The following TPRG1 variants were observed in gnomAD, a reference collection of about 807,000 sequenced individuals.
TPRG1 encodes the protein tumor protein p63 regulated 1, also known as tumor protein p63-regulated gene 1 protein.
TPRG1 carries 29 observed loss-of-function variants against 29.3 expected under a neutral mutation model. That is an observed-to-expected ratio of 0.99 (90% CI 0.74 to 1.35). The LOEUF (loss-of-function observed/expected upper bound fraction) is 1.35, where lower values mean the gene tolerates loss of function less well. TPRG1 is among the 40% of genes most tolerant of loss of function. The pLI, the probability that TPRG1 is intolerant of heterozygous loss-of-function variation, is 0.00. For missense variants in TPRG1, 327 were observed against 335.0 expected, an observed-to-expected ratio of 0.98 and a Z score of 0.19; for synonymous variants, 130 against 116.8, an observed-to-expected ratio of 1.11 and a Z score of -0.73.
At chr3:189,272,649 C>T (rs957568832) in intron 4 of TPRG1, among the ~76,000 whole-genome samples, 1 of 151,598 alleles carries the variant, frequency 6.6e-6, no homozygotes, top group Non-Finnish European at 1.5e-5. Flanking sequence ...CTCTCTCTTT[C>T]CTTCCTTCGT....
At chr3:189,196,187 A>G (rs866852706) in intron 1 of TPRG1, among the ~76,000 whole-genome samples, 1 of 152,174 alleles carries the variant, frequency 6.6e-6, no homozygotes, top group African/African-American at 2.4e-5. Context: ...CTGAGGATCT[A>G]ATTTCTTATT....
intron 5 of TPRG1, among the ~76,000 whole-genome samples, chr3:189,155,233 C>T (rs1038125507): frequency 2.0e-5 from 3 of 152,114 alleles, no homozygotes; most frequent in Non-Finnish European, 4.4e-5. Context: ...AATTACATTT[C>T]TAAGGGTAGA....
At chr3:189,248,844 C>G (rs2108990453) in intron 4 of TPRG1, among the ~76,000 whole-genome samples, 1 of 151,004 alleles carries the variant, frequency 6.6e-6, no homozygotes, top group South Asian at 2.1e-4. Context: ...CTTTAAATTG[C>G]CAATTTTTTT....
At chr3:189,280,481 T>A (rs1050550345) in intron 4 of TPRG1, among the ~76,000 whole-genome samples, 4 of 152,104 alleles carry the variant, frequency 2.6e-5, no homozygotes, top group Admixed American at 1.3e-4. Context: ...AACTTAGAGC[T>A]TTTTTATGCC....
At chr3:189,299,032 G>A (rs1285604349) in intron 4 of TPRG1, among the ~76,000 whole-genome samples, 6 of 150,792 alleles carry the variant, frequency 4.0e-5, no homozygotes, top group Non-Finnish European at 4.4e-5. Flanking sequence ...AGAGGAAATG[G>A]AAACAGGAGA....
intron 4 of TPRG1, among the ~76,000 whole-genome samples, chr3:189,150,016 A>G (rs1317280503): frequency 6.6e-6 from 1 of 152,186 alleles, no homozygotes; most frequent in Admixed American, 6.5e-5. Flanking sequence ...GTGTCCTTTG[A>G]TGTACCCAGT....
intron 5 of TPRG1, among the ~76,000 whole-genome samples, chr3:189,165,348 A>G (rs1165476672): frequency 1.3e-5 from 2 of 150,878 alleles, no homozygotes; most frequent in African/African-American, 4.9e-5. Flanking sequence ...CTTGCCCCTG[A>G]GCTTTTGTAC....
At position 189,063,934 on chromosome 3, in the gene TPRG1, T is replaced by C. The variant is rs1373270250; in HGVS notation, c.-463+39988T>C. 2.0e-5 allele frequency among the ~76,000 whole-genome samples: 3 copies of C among 151,978 alleles called. No individual in the cohort carries two copies. The East Asian group carries it at 5.8e-4, about 29-fold the overall frequency. ...AGTAAAGGGTCCCAAGAAAAATCAG[T>C]GAAGAGAAAAGGTGTATGGGTAACG... On this transcript the variant is annotated intron_variant, in intron 4 of 10. Transcript: ENST00000433971.
At chr3:189,252,582 G>A (rs1412479135) in intron 4 of TPRG1, among the ~76,000 whole-genome samples, 1 of 152,102 alleles carries the variant, frequency 6.6e-6, no homozygotes, top group African/African-American at 2.4e-5. Flanking sequence ...GGAAGACTAT[G>A]GTTCCCTGAC....
At chr3:189,154,159 C>A (rs181917400) in intron 5 of TPRG1, among the ~76,000 whole-genome samples, 1 of 152,098 alleles carries the variant, frequency 6.6e-6, no homozygotes, top group Non-Finnish European at 1.5e-5. Flanking sequence ...TCACATCATG[C>A]GATATTCTTC....
At chr3:189,076,651 A>G (rs992860483) in intron 4 of TPRG1, among the ~76,000 whole-genome samples, 1 of 152,052 alleles carries the variant, frequency 6.6e-6, no homozygotes, top group African/African-American at 2.4e-5. Context: ...CCTGGGCTTA[A>G]TGGTCTCTCC....
chr3:189,093,152 G>GA (rs995452730), intron 4 of TPRG1, among the ~76,000 whole-genome samples: 3 of 151,688 alleles, frequency 2.0e-5, no homozygotes, highest in Non-Finnish European at 1.5e-5. Context: ...GAGAGAATAA[G>GA]AAAAAAGAAG....
At chr3:189,189,662 C>T (rs1311018128) in intron 1 of TPRG1, among the ~76,000 whole-genome samples, 1 of 152,144 alleles carries the variant, frequency 6.6e-6, no homozygotes, top group Non-Finnish European at 1.5e-5. Flanking sequence ...AGTTAGATAA[C>T]ATTATTAGTT....
chr3:189,169,339 A>G (rs1728530349), upstream of TPRG1, among the ~76,000 whole-genome samples: 1 of 151,944 alleles, frequency 6.6e-6, no homozygotes, highest in Non-Finnish European at 1.5e-5. Context: ...TAATTTTTGT[A>G]TTTTTAGTAG....
chr3:189,042,880 C>T (rs1714719108), intron 4 of TPRG1, among the ~76,000 whole-genome samples: 1 of 152,122 alleles, frequency 6.6e-6, no homozygotes, highest in Non-Finnish European at 1.5e-5. Flanking sequence ...TGCGTGGTGG[C>T]TCACCAGAAG....
intron 4 of TPRG1, among the ~76,000 whole-genome samples, chr3:189,043,153 A>G (rs566625950): frequency 2.6e-5 from 4 of 152,358 alleles, no homozygotes; most frequent in African/African-American, 9.6e-5. Flanking sequence ...GGAAAACTAT[A>G]TATAGATTGA....
At chr3:189,112,519 T>G (rs1720655870) in intron 1 of TPRG1, among the ~76,000 whole-genome samples, 1 of 152,242 alleles carries the variant, frequency 6.6e-6, no homozygotes, top group African/African-American at 2.4e-5. Flanking sequence ...GTCTAACGTT[T>G]AAGTCTTTAA....
chr3:189,324,684 G>C lies in TPRG1; in HGVS notation c.*3864G>C, dbSNP rs777858305. On this transcript the variant is annotated 3_prime_UTR_variant, in exon 6 of 6. Coordinates refer to ENST00000345063, the MANE Select transcript of TPRG1 (RefSeq NM_198485.4). ...GGGAGGGCAAAGGTATTAAATTTAGGCTTAAAAGCTCCTCAGAAATTCTTT... is the reference window on the plus strand; with the variant it reads ...GGGAGGGCAAAGGTATTAAATTTAGCCTTAAAAGCTCCTCAGAAATTCTTT... 2 of 152,138 alleles carry C rather than the reference G, an allele frequency of 1.3e-5. No individual in the cohort carries two copies. Among genetic ancestry groups the C allele is most frequent in the Non-Finnish European group, 2.9e-5 (2 of 68,034 alleles). 9.4% of individuals were successfully genotyped at this position (152,138 alleles called of 1,614,324 possible). A position where few individuals can be genotyped will look rare whatever the true frequency, so the allele number is the denominator to read the frequency against.
At position 189,238,845 on chromosome 3, in the gene TPRG1, C is replaced by G. The variant is rs1373978289; in HGVS notation, c.415C>G (p.Pro139Ala). Reference sequence around the variant, plus strand: ...GAGTTGTGTGCAGCTGCAGCGGATTCCTCTGAGCGCTGTCTATCGCATCTG... The same window carrying G: ...GAGTTGTGTGCAGCTGCAGCGGATTGCTCTGAGCGCTGTCTATCGCATCTG... ...MLSCVQLQRIPLSAVYRICLG... is the reference protein window; with the variant it reads ...MLSCVQLQRIALSAVYRICLG... The change falls in exon 4 of 6, where the codon CCT becomes GCT. Residue 139 changes from proline to alanine, a missense_variant. Transcript: ENST00000345063. 6.2e-7 allele frequency: 1 copy of G among 1,613,728 alleles called. No individual in the cohort carries two copies. The highest frequency in any genetic ancestry group is 8.5e-7 in the Non-Finnish European group (1 of 1,179,728).
Sources: gnomAD v4.1 joint callset for allele counts (sites outside exome capture counted in the v4.1 genomes callset) on GRCh38, gnomAD v4.1.1 for gene constraint, MANE v1.5 for transcripts, NCBI Gene and HGNC (gene_info 2026-07-23, HGNC 2026-07-21) for gene names.